ZRANB3: variants seen among roughly 807,000 people sequenced by gnomAD.
ZRANB3 encodes the protein zinc finger RANBP2-type containing 3, also known as DNA annealing helicase and endonuclease ZRANB3.
In ZRANB3, 125 loss-of-function variants were observed where a neutral mutation model predicts 133.8. That is an observed-to-expected ratio of 0.93 (90% CI 0.81 to 1.08). The LOEUF is 1.08. Among genes scored for constraint, ZRANB3 ranks in the 50% least tolerant of loss-of-function variants. The pLI is 0.00. For synonymous variants in ZRANB3, 387 were observed against 432.7 expected, an observed-to-expected ratio of 0.89 and a Z score of 1.31; for missense variants, 1,229 against 1,275.5, an observed-to-expected ratio of 0.96 and a Z score of 0.56.
chr2:135,525,252 A>G (rs1694102932), intron 1 of ZRANB3, among the ~76,000 whole-genome samples: 3 of 152,238 alleles, frequency 2.0e-5, no homozygotes, highest in Admixed American at 2.0e-4. Flanking sequence ...CTCTACATCA[A>G]TAGAATTCAA....
chr2:135,480,827 A>C (rs1574171802), intron 2 of ZRANB3, among the ~76,000 whole-genome samples: 1 of 124,690 alleles, frequency 8.0e-6, no homozygotes, highest in Non-Finnish European at 1.6e-5. Flanking sequence ...ATGTGATCTC[A>C]TTGTTCAATT....
At chr2:135,408,640 CA>C (rs1688157491) in intron 2 of ZRANB3, among the ~76,000 whole-genome samples, 2 of 152,122 alleles carry the variant, frequency 1.3e-5, no homozygotes, top group Non-Finnish European at 2.9e-5. Flanking sequence ...GAATACTATG[CA>C]GCCATAAAAA....
At position 135,323,057 on chromosome 2, in the gene ZRANB3, G is replaced by A. The variant is rs963425334; in HGVS notation, c.678-7527C>T. Among the ~76,000 whole-genome samples, 10 of 151,860 alleles carry A rather than the reference G, an allele frequency of 6.6e-5. No homozygotes were observed. In the South Asian group the frequency reaches 2.1e-3, roughly 32 times the overall value. On this transcript the variant is annotated intron_variant, in intron 6 of 20. Coordinates refer to ENST00000264159, the MANE Select transcript of ZRANB3 (RefSeq NM_032143.4). ...TTTAGTCTCCCTGTCCACAAACATG[G>A]TATACCACTCCATTCATTTAGGTCT...
chr2:135,441,862 G>A (rs1420152949), intron 2 of ZRANB3, among the ~76,000 whole-genome samples: 1 of 152,096 alleles, frequency 6.6e-6, no homozygotes, highest in Non-Finnish European at 1.5e-5. Flanking sequence ...CAAAAGAATG[G>A]AGTCAAAGAG....
chr2:135,272,505 C>T (rs1433253461), intron 9 of ZRANB3, among the ~76,000 whole-genome samples: 1 of 146,936 alleles, frequency 6.8e-6, no homozygotes, highest in African/African-American at 2.6e-5. Context: ...AGCTCCGCCT[C>T]CGGGTTCACG....
chr2:135,258,324 A>G (rs1216787295), intron 12 of ZRANB3, among the ~76,000 whole-genome samples: 2 of 152,218 alleles, frequency 1.3e-5, no homozygotes, highest in African/African-American at 4.8e-5. Flanking sequence ...GGCTCCCTGG[A>G]GAATCTCCAA....
At chr2:135,450,796 C>T (rs999985833) in intron 2 of ZRANB3, among the ~76,000 whole-genome samples, 1 of 152,116 alleles carries the variant, frequency 6.6e-6, no homozygotes, top group African/African-American at 2.4e-5. Flanking sequence ...GATGGAGCCT[C>T]AGAATATCCA....
chr2:135,319,285 AAC>A (rs1189504675), intron 6 of ZRANB3, among the ~76,000 whole-genome samples: 6 of 152,254 alleles, frequency 3.9e-5, no homozygotes, highest in Non-Finnish European at 8.8e-5. Flanking sequence ...CCAGAAAAAT[AAC>A]ACTTTTTAAT....
chr2:135,256,102 A>G (rs972772612), intron 12 of ZRANB3, among the ~76,000 whole-genome samples: 5 of 151,788 alleles, frequency 3.3e-5, no homozygotes, highest in Non-Finnish European at 7.4e-5. Context: ...TTTTATAAAA[A>G]CAGGGTTTTG....
At chr2:135,347,046 C>A (rs538799622) in intron 5 of ZRANB3, among the ~76,000 whole-genome samples, 1 of 152,220 alleles carries the variant, frequency 6.6e-6, no homozygotes, top group African/African-American at 2.4e-5. Context: ...CAATATGTAG[C>A]CTTTTGTATC....
At chr2:135,341,253 C>G (rs927610098) in intron 6 of ZRANB3, among the ~76,000 whole-genome samples, 1 of 149,808 alleles carries the variant, frequency 6.7e-6, no homozygotes, top group Non-Finnish European at 1.5e-5. Context: ...TGGTCTCGAT[C>G]TCTGGATCTC....
At chr2:135,445,033 G>A (rs1689954731) in intron 2 of ZRANB3, among the ~76,000 whole-genome samples, 3 of 152,070 alleles carry the variant, frequency 2.0e-5, no homozygotes, top group Admixed American at 2.0e-4. Flanking sequence ...AAAAATGGAA[G>A]CAACAAATAC....
chr2:135,357,017 C>T (rs1403693999), intron 3 of ZRANB3, among the ~76,000 whole-genome samples: 5 of 152,154 alleles, frequency 3.3e-5, no homozygotes, highest in Non-Finnish European at 7.4e-5. Context: ...ACATTTTTTA[C>T]AATCTATTAC....
At chr2:135,360,177 G>A (rs575787870) in intron 3 of ZRANB3, among the ~76,000 whole-genome samples, 47 of 152,030 alleles carry the variant, frequency 3.1e-4, no homozygotes, top group African/African-American at 5.1e-4. Flanking sequence ...TCAGGAGTTC[G>A]AGACTAGCCT....
At chr2:135,514,161 T>C (rs987094826) in intron 1 of ZRANB3, among the ~76,000 whole-genome samples, 1 of 152,196 alleles carries the variant, frequency 6.6e-6, no homozygotes, top group African/African-American at 2.4e-5. Flanking sequence ...AAAGTAGTTT[T>C]TTCTAAGTCT....
rs1362615748 is a variant in ZRANB3, at chr2:135,234,740, T to C, written c.1540-3813A>G. ...AAATAAAGATGTTCTTTGGAATCAA[T>C]GAGAACGAAGACACAACATACCAGA... is the stretch of plus-strand genomic sequence containing the variant. On this transcript the variant is annotated intron_variant, in intron 12 of 20. Coordinates refer to ENST00000264159, the MANE Select transcript of ZRANB3 (RefSeq NM_032143.4). Among the ~76,000 whole-genome samples, 5 of 152,262 alleles carry C rather than the reference T, an allele frequency of 3.3e-5. No homozygotes were observed. The East Asian group carries it at 9.7e-4, about 29-fold the overall frequency.
At position 135,207,732 on chromosome 2, in the gene ZRANB3, A is replaced by G; in HGVS notation, c.2711T>C (p.Val904Ala). 6.2e-7 allele frequency: 1 copy of G among 1,614,040 alleles called. No individual in the cohort carries two copies. The highest frequency in any genetic ancestry group is 8.5e-7 in the Non-Finnish European group (1 of 1,179,892). Residue 904 changes from valine (V) to alanine (A), a missense_variant, in exon 19 of 21, where the codon GTG becomes GCG. Transcript: ENST00000264159. ...GCAAAGTGGATTTCCTTCATTATCCACAGCTTGCAAATAGCCTTTGGATGT... is the reference window on the plus strand; with the variant it reads ...GCAAAGTGGATTTCCTTCATTATCCGCAGCTTGCAAATAGCCTTTGGATGT... ...PSTSKGYLQA[V>A]DNEGNPLCLR...
At chr2:135,496,062 G>A (rs1243967200) in intron 2 of ZRANB3, among the ~76,000 whole-genome samples, 1 of 152,066 alleles carries the variant, frequency 6.6e-6, no homozygotes, top group Non-Finnish European at 1.5e-5. Flanking sequence ...CTCCATTGAA[G>A]AATTTACTCA....
rs554892443 is a variant in ZRANB3, at chr2:135,262,087, G to C, written c.1539+3447C>G. On this transcript the variant is annotated intron_variant, in intron 12 of 20. Transcript: ENST00000264159. ...AGGCAGGAGCATTGCTTGAACCTAGGAGGTGGAGGTTGCAGTGAGCCAAGA... is the reference window on the plus strand; with the variant it reads ...AGGCAGGAGCATTGCTTGAACCTAGCAGGTGGAGGTTGCAGTGAGCCAAGA... Among the ~76,000 whole-genome samples the C allele has an allele frequency of 2.1e-3, 313 of 149,134 alleles. 4 individuals are homozygous for C. Among genetic ancestry groups the C allele is most frequent in the African/African-American group, 7.5e-3 (304 of 40,546 alleles).
Sources: gnomAD v4.1 joint callset for allele counts (sites outside exome capture counted in the v4.1 genomes callset) on GRCh38, gnomAD v4.1.1 for gene constraint, MANE v1.5 for transcripts, NCBI Gene and HGNC (gene_info 2026-07-23, HGNC 2026-07-21) for gene names.